Variants in GCSAM observed in about 807,000 individuals in gnomAD.
GCSAM encodes the protein germinal center-associated signaling and motility protein.
In GCSAM, 8 loss-of-function variants were observed where a neutral mutation model predicts 17.6. The observed-to-expected ratio is 0.46, with a 90% CI of 0.27 to 0.82. The LOEUF is 0.82. GCSAM is among the 40% of genes least tolerant of loss of function. The probability of loss-of-function intolerance (pLI) is 0.15; values close to 1 mark genes in which losing one functional copy is unlikely to be tolerated. For missense variants in GCSAM, 192 were observed against 213.5 expected (o/e 0.90, Z 0.63); for synonymous variants, 68 against 69.0 (o/e 0.98, Z 0.07).
chr3:112,132,096 T>G (rs1374987292), intron 1 of GCSAM, among the ~76,000 whole-genome samples: 3 of 152,090 alleles, frequency 2.0e-5, no homozygotes, highest in Admixed American at 6.5e-5. Flanking sequence ...ATAAAAATAG[T>G]AATTTATATA....
intron 1 of GCSAM, among the ~76,000 whole-genome samples, chr3:112,131,314 G>A (rs1326980751): frequency 1.3e-5 from 2 of 152,146 alleles, no homozygotes; most frequent in East Asian, 3.9e-4. Flanking sequence ...ATGAAGGGAT[G>A]AGTGCCATTC....
At position 112,123,516 on chromosome 3, in the gene GCSAM, T is replaced by TGA; in HGVS notation, c.474_475dup (p.His159LeufsTer31). Reference sequence around the variant, plus strand: ...AAGTGGACGTGGCTGTTGCAGAAAGTGAGAGGAGATTCTGTGAGGCATGAG... The same window carrying TGA: ...AAGTGGACGTGGCTGTTGCAGAAAGTGAGAGAGGAGATTCTGTGAGGCATGAG... On this transcript the variant is annotated frameshift_variant, in exon 6 of 6. Coordinates refer to ENST00000308910, the MANE Select transcript of GCSAM (RefSeq NM_152785.5). LOFTEE classifies it low-confidence loss of function (END_TRUNC). The TGA allele has an allele frequency of 6.2e-7, 1 of 1,614,150 alleles. No individual in the cohort carries two copies. Among genetic ancestry groups the TGA allele is most frequent in the Non-Finnish European group, 8.5e-7 (1 of 1,180,024 alleles).
At chr3:112,133,054 C>T in intron 1 of GCSAM, 38 bp downstream of exon 1, 3 of 1,602,116 alleles carry the variant, frequency 1.9e-6, no homozygotes, top group South Asian at 1.1e-5. Flanking sequence ...TTGTCCTGTC[C>T]CATCTCCTCT....
intron 5 of GCSAM, among the ~76,000 whole-genome samples, chr3:112,124,453 A>G (rs1311136770): frequency 1.3e-5 from 2 of 152,144 alleles, no homozygotes; most frequent in Non-Finnish European, 2.9e-5. Context: ...TACTGAAAAT[A>G]CAAAAATTAG....
At chr3:112,124,840 T>G (rs1431041445) in intron 5 of GCSAM, among the ~76,000 whole-genome samples, 1 of 152,170 alleles carries the variant, frequency 6.6e-6, no homozygotes, top group Non-Finnish European at 1.5e-5. Context: ...CGCCCCCTTT[T>G]AGCTATTTGG....
Position 112,126,979 on chromosome 3 carries a change from T to A in GCSAM, c.190+8A>T. ...AAAAGTGAAAATACTAGGAAATCAA[T>A]GACTTACTTTCGTTTTGGGAATCTT... On this transcript the variant is annotated splice_region_variant and intron_variant, in intron 4 of 5. Transcript: ENST00000308910. 6.4e-7 allele frequency: 1 copy of A among 1,566,248 alleles called. No homozygotes were observed. Among genetic ancestry groups the A allele is most frequent in the Non-Finnish European group, 8.8e-7 (1 of 1,141,614 alleles).
intron 2 of GCSAM, 46 bp from the exon 3 acceptor site, chr3:112,128,107 A>C: frequency 6.4e-7 from 1 of 1,562,266 alleles, no homozygotes; most frequent in Non-Finnish European, 8.8e-7. Context: ...TGATTTCTGC[A>C]GCTTTGTTAA....
In GCSAM at chr3:112,122,567, A is replaced by G. The variant is rs1198458697; in HGVS notation, c.*888T>C. On this transcript the variant is annotated 3_prime_UTR_variant, in exon 6 of 6. Coordinates refer to ENST00000308910, the MANE Select transcript of GCSAM (RefSeq NM_152785.5). ...TATGTGGACATTTTATTCATATTTT[A>G]TACATGACATTATTAAATATATACA... The G allele has an allele frequency of 6.6e-6, 1 of 152,234 alleles. No homozygotes were observed. The highest frequency in any genetic ancestry group is 1.5e-5 in the Non-Finnish European group (1 of 68,038). 9.4% of individuals were successfully genotyped at this position (152,234 alleles called of 1,614,324 possible). A position where few individuals can be genotyped will look rare whatever the true frequency, so the allele number is the denominator to read the frequency against.
chr3:112,128,434 G>A, intron 2 of GCSAM: 1 of 372,666 alleles, frequency 2.7e-6, no homozygotes, highest in Non-Finnish European at 5.2e-6. Context: ...GTATGGGTTA[G>A]GCAATATCAG....
Position 112,130,464 on chromosome 3 carries a change from G to A in GCSAM, c.79C>T (p.Pro27Ser). 6.2e-7 allele frequency: 1 copy of A among 1,613,888 alleles called. No individual in the cohort carries two copies. Among genetic ancestry groups the A allele is most frequent in the Non-Finnish European group, 8.5e-7 (1 of 1,179,896 alleles). ...TCTCACCTGGATGTTCTCTGTTTGG[G>A]GCTTTGCATTCTCACATTCCAAGGC... ...EMPWNVRMQS[P>S]KQRTSRCWDH... is the part of the protein sequence containing the mutation. Residue 27 changes from proline to serine, a missense_variant, in exon 2 of 6, where the codon CCC becomes TCC. Coordinates refer to ENST00000308910, the MANE Select transcript of GCSAM (RefSeq NM_152785.5).
intron 2 of GCSAM, 191 bp from the exon 3 acceptor site, chr3:112,128,252 A>G (rs767312234): frequency 1.4e-6 from 1 of 700,324 alleles, no homozygotes; most frequent in Middle Eastern, 2.4e-4. Context: ...GATACTATCA[A>G]ATTCCTAATC....
At chr3:112,127,289 G>A (rs576307754) in intron 3 of GCSAM, among the ~76,000 whole-genome samples, 1 of 152,214 alleles carries the variant, frequency 6.6e-6, no homozygotes, top group East Asian at 1.9e-4. Context: ...ATTTATAGAT[G>A]GGGAAATATG....
chr3:112,130,825 G>T (rs546276283), intron 1 of GCSAM: 1 of 384,572 alleles, frequency 2.6e-6, no homozygotes, highest in East Asian at 5.5e-5. Context: ...CGTGTCCAGA[G>T]AGAGGCCTGA....
Position 112,123,345 on chromosome 3 carries a change from G to A in GCSAM, c.*110C>T, listed in dbSNP as rs1309083289. On this transcript the variant is annotated 3_prime_UTR_variant, in exon 6 of 6. Transcript: ENST00000308910. ...AACCATGCTCTGCAGGGAAAGGGTT[G>A]TTGTGGGAGATAAGCTGGAGGGACT... 7 of 1,520,160 alleles carry A rather than the reference G, an allele frequency of 4.6e-6. No homozygotes were observed. The East Asian group carries it at 6.9e-5, about 15-fold the overall frequency. The allele number at this position is 1,520,160 out of a possible 1,614,324, so 94.2% of individuals were successfully genotyped here.
intron 1 of GCSAM, among the ~76,000 whole-genome samples, chr3:112,131,532 G>T (rs915330325): frequency 5.9e-5 from 9 of 152,190 alleles, no homozygotes; most frequent in Admixed American, 3.9e-4. Context: ...TTGCTATGTT[G>T]TTCAGGCTGC....
intron 5 of GCSAM, 86 bp downstream of exon 5, chr3:112,125,140 A>T (rs1351309229): frequency 1.1e-6 from 1 of 870,924 alleles, no homozygotes; most frequent in African/African-American, 1.7e-5. Flanking sequence ...GTCAGAAGGG[A>T]TCTCAGAGGC....
chr3:112,131,273 A>G (rs900447958), intron 1 of GCSAM, among the ~76,000 whole-genome samples: 2 of 152,138 alleles, frequency 1.3e-5, no homozygotes, highest in Non-Finnish European at 2.9e-5. Flanking sequence ...TGCTGCTGGC[A>G]GGTCTCTTCC....
intron 4 of GCSAM, among the ~76,000 whole-genome samples, chr3:112,126,216 G>C (rs1388967690): frequency 6.6e-6 from 1 of 152,154 alleles, no homozygotes; most frequent in Non-Finnish European, 1.5e-5. Context: ...GCTAGGGTGG[G>C]AGGCTGTATT....
chr3:112,122,951 A>G lies in GCSAM; in HGVS notation c.*504T>C, dbSNP rs1018615766. The G allele has an allele frequency of 6.1e-6, 1 of 163,102 alleles. No individual in the cohort carries two copies. Among genetic ancestry groups the G allele is most frequent in the African/African-American group, 2.4e-5 (1 of 41,566 alleles). 10.1% of individuals were successfully genotyped at this position (163,102 alleles called of 1,614,324 possible). A position where few individuals can be genotyped will look rare whatever the true frequency, so the allele number is the denominator to read the frequency against. ...GGGGGCCAACAGGTCAAAGGACACT[A>G]TGTAAAAGACATGACTTAGACACAT... is the stretch of plus-strand genomic sequence containing the variant. On this transcript the variant is annotated 3_prime_UTR_variant, in exon 6 of 6. Transcript: ENST00000308910.
Sources: allele counts gnomAD v4.1 joint callset (sites outside exome capture counted in the v4.1 genomes callset), GRCh38; gene constraint gnomAD v4.1.1; transcripts MANE v1.5; gene names NCBI Gene and HGNC (gene_info 2026-07-23, HGNC 2026-07-21).